Variants in PLAAT5 observed in about 807,000 individuals in gnomAD.
The protein encoded by PLAAT5 is Ca(2+)-independent N-acyltransferase.
Under a neutral mutation model 27.8 loss-of-function variants are expected in PLAAT5, and 27 were observed. That is an observed-to-expected ratio of 0.97 (90% confidence interval 0.72 to 1.34). PLAAT5 has a LOEUF of 1.34. Among genes scored for constraint, PLAAT5 ranks in the 40% most tolerant of loss-of-function variants. The pLI is 0.00. For synonymous variants in PLAAT5, 125 were observed against 136.1 expected, an observed-to-expected ratio of 0.92 and a Z score of 0.57; for missense variants, 368 against 343.8, an observed-to-expected ratio of 1.07 and a Z score of -0.56.
At chr11:63,477,753 G>A (rs545927266) in intron 3 of PLAAT5, among the ~76,000 whole-genome samples, 4 of 152,152 alleles carry the variant, frequency 2.6e-5, no homozygotes, top group South Asian at 2.1e-4. Flanking sequence ...GATTACAGGC[G>A]TGAGCCACAG....
intron 3 of PLAAT5, among the ~76,000 whole-genome samples, chr11:63,486,951 T>C (rs2016450289): frequency 6.6e-6 from 1 of 152,242 alleles, no homozygotes; most frequent in South Asian, 2.1e-4. Context: ...GCACTATTCA[T>C]AGAGATTTAT....
At chr11:63,480,299 C>A (rs1369949551) in intron 3 of PLAAT5, among the ~76,000 whole-genome samples, 1 of 152,204 alleles carries the variant, frequency 6.6e-6, no homozygotes, top group African/African-American at 2.4e-5. Context: ...TGAGGCCAAT[C>A]TAAGCCAGAA....
chr11:63,473,015 C>T (rs1419538358), intron 3 of PLAAT5, among the ~76,000 whole-genome samples: 1 of 151,718 alleles, frequency 6.6e-6, no homozygotes, highest in African/African-American at 2.4e-5. Context: ...GAGGCTGAGG[C>T]ACGAGAATCG....
chr11:63,481,823 G>T (rs1010468425), intron 3 of PLAAT5, among the ~76,000 whole-genome samples: 2 of 152,078 alleles, frequency 1.3e-5, no homozygotes, highest in Non-Finnish European at 2.9e-5. Context: ...ACCAAACACC[G>T]CATGTTCTCA....
In PLAAT5 at chr11:63,466,245, G is replaced by T. The variant is rs2015859694; in HGVS notation, c.582C>A (p.Tyr194Ter). The T allele has an allele frequency of 6.2e-7, 1 of 1,614,144 alleles. No homozygotes were observed. The change falls in exon 5 of 6, where the codon TAC (tyrosine) becomes TAA (stop). Residue 194 changes from tyrosine (Y) to a stop codon, truncating the protein, a stop_gained. Transcript: ENST00000540857. LOFTEE classifies it high-confidence loss of function. Reference sequence around the variant, plus strand: ...TGATCTTGTCCACCGGCAAGGGCAGGTACGTCCCATCTAGCTTGTTATTGA... The same window carrying T: ...TGATCTTGTCCACCGGCAAGGGCAGTTACGTCCCATCTAGCTTGTTATTGA... ...WKVNNKLDGTYLPLPVDKIIQ... is the reference protein window; with the variant it reads ...WKVNNKLDGT
At position 63,463,599 on chromosome 11, in the gene PLAAT5, C is replaced by T; in HGVS notation, c.718-4G>A. Reference sequence around the variant, plus strand: ...CTTCCATCAGGGCGTGCTCTACCTGCAAAGCACATCAGTTCACAGGACAAT... The same window carrying T: ...CTTCCATCAGGGCGTGCTCTACCTGTAAAGCACATCAGTTCACAGGACAAT... On this transcript the variant is annotated splice_region_variant and splice_polypyrimidine_tract_variant and intron_variant, in intron 5 of 5. Coordinates refer to ENST00000540857, the MANE Select transcript of PLAAT5 (RefSeq NM_001146729.2). The T allele has an allele frequency of 6.2e-7, 1 of 1,612,468 alleles. No individual in the cohort carries two copies. Among genetic ancestry groups the T allele is most frequent in the Non-Finnish European group, 8.5e-7 (1 of 1,179,246 alleles).
At chr11:63,474,978 C>T (rs532790654) in intron 3 of PLAAT5, among the ~76,000 whole-genome samples, 21 of 151,958 alleles carry the variant, frequency 1.4e-4, no homozygotes, top group Admixed American at 3.9e-4. Context: ...TATCACTTGG[C>T]TATTAATTTC....
At chr11:63,480,389 T>C (rs1316911016) in intron 3 of PLAAT5, among the ~76,000 whole-genome samples, 1 of 152,192 alleles carries the variant, frequency 6.6e-6, no homozygotes, top group Non-Finnish European at 1.5e-5. Flanking sequence ...GGCTCAGGGA[T>C]TGGAGAAGGA....
In PLAAT5 at chr11:63,488,903, T is replaced by C; in HGVS notation, c.313A>G (p.Asn105Asp). 2 of 1,613,774 alleles carry C rather than the reference T, an allele frequency of 1.2e-6. No individual in the cohort carries two copies. Among genetic ancestry groups the C allele is most frequent in the Non-Finnish European group, 1.7e-6 (2 of 1,179,748 alleles). The change falls in exon 3 of 6, where the codon AAT (asparagine) becomes GAT (aspartate). Residue 105 changes from asparagine to aspartate, a missense_variant. Transcript: ENST00000540857. ...ADWSSIPKPE[N>D]EGKLIKQAAE... ...GCTTGCTTTATTAACTTGCCTTCATTCTCAGGCTTTGGAATTGAACTCCAG... is the reference window on the plus strand; with the variant it reads ...GCTTGCTTTATTAACTTGCCTTCATCCTCAGGCTTTGGAATTGAACTCCAG...
chr11:63,479,650 T>G (rs981958592), intron 3 of PLAAT5, among the ~76,000 whole-genome samples: 4 of 152,160 alleles, frequency 2.6e-5, no homozygotes, highest in Non-Finnish European at 5.9e-5. Context: ...CTGAGGCCAT[T>G]TCTGCTATTA....
At chr11:63,471,871 T>C (rs977752760) in intron 3 of PLAAT5, among the ~76,000 whole-genome samples, 1 of 152,096 alleles carries the variant, frequency 6.6e-6, no homozygotes, top group Non-Finnish European at 1.5e-5. Flanking sequence ...ATAAAAAGGA[T>C]GAGATCATGT....
intron 3 of PLAAT5, among the ~76,000 whole-genome samples, chr11:63,479,804 G>A (rs1008327793): frequency 6.6e-5 from 10 of 152,218 alleles, no homozygotes; most frequent in Admixed American, 6.5e-4. Context: ...TGAAGAACAG[G>A]CGCCAGAGCT....
intron 3 of PLAAT5, among the ~76,000 whole-genome samples, chr11:63,486,405 G>A (rs2016435195): frequency 6.6e-6 from 1 of 151,892 alleles, no homozygotes; most frequent in South Asian, 2.1e-4. Context: ...CCAATGAGTG[G>A]ACAAAGAAAA....
chr11:63,490,862 C>T lies in PLAAT5; in HGVS notation c.148+25G>A, dbSNP rs189296565. The T allele has an allele frequency of 1.4e-5, 22 of 1,588,556 alleles. No homozygotes were observed. In the African/African-American group the frequency reaches 1.9e-4, roughly 14 times the overall value. The stretch of plus-strand genomic sequence containing the variant: ...ACCTGAAGGACAATTGCGGATTGTC[C>T]TTCAGCCGCATTCTTGGGGCTGACC... On this transcript the variant is annotated intron_variant, in intron 1 of 5. Coordinates refer to ENST00000540857, the MANE Select transcript of PLAAT5 (RefSeq NM_001146729.2).
At chr11:63,486,903 C>T (rs2849652) in intron 3 of PLAAT5, among the ~76,000 whole-genome samples, 17,016 of 152,154 alleles carry the variant, frequency 0.11, 2,042 homozygotes, top group African/African-American at 0.3. Flanking sequence ...CTTTGTGACA[C>T]TGGATTAGGC....
intron 3 of PLAAT5, among the ~76,000 whole-genome samples, chr11:63,476,474 C>T (rs2016153554): frequency 6.6e-6 from 1 of 152,110 alleles, no homozygotes; most frequent in Admixed American, 6.5e-5. Context: ...AGATACATTA[C>T]TGGATACAAA....
chr11:63,463,692 G>A, intron 5 of PLAAT5, 97 bp from the exon 6 acceptor site: 1 of 883,958 alleles, frequency 1.1e-6, no homozygotes, highest in Non-Finnish European at 1.9e-6. Flanking sequence ...CAACCAGCCT[G>A]TCTGGAGTCT....
chr11:63,478,375 C>A lies in PLAAT5; in HGVS notation c.346-9910G>T, dbSNP rs560874291. On this transcript the variant is annotated intron_variant, in intron 3 of 5. Coordinates refer to ENST00000540857, the MANE Select transcript of PLAAT5 (RefSeq NM_001146729.2). Reference sequence around the variant, plus strand: ...TTGCTCTGTTACCCAGGCTGGAGTGCAGTGGCGCGATCTCAGCTCACTGCA... The same window carrying A: ...TTGCTCTGTTACCCAGGCTGGAGTGAAGTGGCGCGATCTCAGCTCACTGCA... 4.1e-3 allele frequency among the ~76,000 whole-genome samples: 625 copies of A among 151,932 alleles called. 4 individuals are homozygous for A. The highest frequency in any genetic ancestry group is 0.014 in the African/African-American group (562 of 41,418).
intron 3 of PLAAT5, among the ~76,000 whole-genome samples, chr11:63,486,420 GTA>G (rs752574003): frequency 1.3e-5 from 2 of 150,900 alleles, no homozygotes; most frequent in African/African-American, 2.4e-5. Flanking sequence ...AGAAAATGTG[GTA>G]TATATATATA....
Sources: gnomAD v4.1 joint callset for allele counts (sites outside exome capture counted in the v4.1 genomes callset) on GRCh38, gnomAD v4.1.1 for gene constraint, MANE v1.5 for transcripts, NCBI Gene and HGNC (gene_info 2026-07-23, HGNC 2026-07-21) for gene names.